Variants in HHAT observed in about 807,000 individuals in gnomAD.
HHAT encodes hedgehog acyltransferase.
HHAT carries 47 observed loss-of-function variants against 70.8 expected under a neutral mutation model. The ratio of observed to expected loss-of-function variants is 0.66; its 90% CI spans 0.53 to 0.85. HHAT has a LOEUF of 0.85. Among genes scored for constraint, HHAT ranks in the 40% least tolerant of loss-of-function variants. HHAT has a pLI of 0.00. For missense variants in HHAT, 609 were observed against 604.8 expected, an observed-to-expected ratio of 1.01 and a Z score of -0.07; for synonymous variants, 228 against 247.6, an observed-to-expected ratio of 0.92 and a Z score of 0.74.
intron 8 of HHAT, among the ~76,000 whole-genome samples, chr1:210,498,112 G>A (rs867571197): frequency 3.9e-5 from 6 of 152,064 alleles, no homozygotes; most frequent in Middle Eastern, 6.8e-3. Context: ...TGTGGTCAGG[G>A]ACTGTCCATC....
intron 1 of HHAT, 175 bp downstream of exon 1, chr1:210,329,279 A>C: frequency 4.5e-4 from 531 of 1,173,440 alleles, no homozygotes; most frequent in East Asian, 1.8e-3. Flanking sequence ...AGAAGACAAA[A>C]GCGGCGGGGG....
chr1:210,606,901 G>C (rs1665563471), intron 10 of HHAT, among the ~76,000 whole-genome samples: 2 of 152,234 alleles, frequency 1.3e-5, no homozygotes, highest in Admixed American at 1.3e-4. Flanking sequence ...ATTATTGTAT[G>C]CATTCTGTTT....
intron 1 of HHAT, among the ~76,000 whole-genome samples, chr1:210,341,666 G>A (rs1199229012): frequency 6.6e-6 from 1 of 152,208 alleles, no homozygotes; most frequent in Non-Finnish European, 1.5e-5. Flanking sequence ...AAAGCAGGTG[G>A]AGTGTTAAAT....
intron 9 of HHAT, among the ~76,000 whole-genome samples, chr1:210,538,723 C>T (rs957156080): frequency 1.3e-5 from 2 of 152,086 alleles, no homozygotes; most frequent in Non-Finnish European, 2.9e-5. Flanking sequence ...ATTAAAAAGG[C>T]CAACATAAAG....
At chr1:210,376,198 A>G (rs563336265) in intron 3 of HHAT, among the ~76,000 whole-genome samples, 2 of 152,140 alleles carry the variant, frequency 1.3e-5, no homozygotes, top group African/African-American at 2.4e-5. Context: ...TACTTTTGCT[A>G]TTAAGCCCAT....
At chr1:210,494,873 G>A (rs1447818922) in intron 8 of HHAT, among the ~76,000 whole-genome samples, 1 of 152,004 alleles carries the variant, frequency 6.6e-6, no homozygotes, top group Admixed American at 6.6e-5. Flanking sequence ...TTTGACATCC[G>A]AGTAGAGTTA....
chr1:210,515,221 G>T (rs1285740405), intron 9 of HHAT, among the ~76,000 whole-genome samples: 1 of 152,230 alleles, frequency 6.6e-6, no homozygotes, highest in Non-Finnish European at 1.5e-5. Flanking sequence ...TGAGAAGTCA[G>T]TTTTGCAGGC....
At chr1:210,491,686 G>C (rs1247973864) in intron 8 of HHAT, among the ~76,000 whole-genome samples, 1 of 152,128 alleles carries the variant, frequency 6.6e-6, no homozygotes, top group Non-Finnish European at 1.5e-5. Flanking sequence ...CTATTCTTCA[G>C]TCACACCCAG....
chr1:210,621,058 G>A (rs758249540), intron 10 of HHAT, among the ~76,000 whole-genome samples: 21 of 151,994 alleles, frequency 1.4e-4, no homozygotes, highest in Non-Finnish European at 3.1e-4. Context: ...ACCTCCCTTG[G>A]CCCTCAGCTC....
intron 11 of HHAT, among the ~76,000 whole-genome samples, chr1:210,662,906 A>G (rs1678066302): frequency 6.6e-6 from 1 of 152,090 alleles, no homozygotes; most frequent in African/African-American, 2.4e-5. Flanking sequence ...ATTAAAGACA[A>G]CTGTTTGTGC....
At chr1:210,470,693 T>C (rs181339950) in intron 8 of HHAT, among the ~76,000 whole-genome samples, 79 of 152,296 alleles carry the variant, frequency 5.2e-4, no homozygotes, top group African/African-American at 1.8e-3. Flanking sequence ...GGATGAGTTT[T>C]AGAGTAAGAA....
chr1:210,327,537 G>A (rs890193643), upstream of HHAT, among the ~76,000 whole-genome samples: 4 of 152,078 alleles, frequency 2.6e-5, no homozygotes, highest in African/African-American at 9.7e-5. Flanking sequence ...ACAGAGTCCG[G>A]CTCAGTCACC....
intron 9 of HHAT, among the ~76,000 whole-genome samples, chr1:210,577,979 C>G (rs970763419): frequency 6.6e-6 from 1 of 151,970 alleles, no homozygotes; most frequent in African/African-American, 2.4e-5. Context: ...CTTTGTCTGG[C>G]TTTGGTATAG....
chr1:210,620,048 A>G lies in HHAT; in HGVS notation c.1246-3478A>G, dbSNP rs572867943. Among the ~76,000 whole-genome samples, 6 of 149,112 alleles carry G rather than the reference A, an allele frequency of 4.0e-5. No homozygotes were observed. In the South Asian group the frequency reaches 1.3e-3, roughly 32 times the overall value. On this transcript the variant is annotated intron_variant, in intron 10 of 11. Coordinates refer to ENST00000261458, the MANE Select transcript of HHAT (RefSeq NM_018194.6). ...AGCCATGAGGATGGTGACTTAACAC[A>G]TGAGGCATGCCTCCCACTCGTGAGG...
chr1:210,354,452 G>C (rs2087398107), intron 2 of HHAT, among the ~76,000 whole-genome samples: 1 of 151,980 alleles, frequency 6.6e-6, no homozygotes, highest in Non-Finnish European at 1.5e-5. Context: ...AAAGTGCCGG[G>C]ATTACTGGTG....
At chr1:210,438,230 G>T (rs963371864) in intron 7 of HHAT, among the ~76,000 whole-genome samples, 5 of 151,740 alleles carry the variant, frequency 3.3e-5, no homozygotes, top group African/African-American at 1.2e-4. Context: ...ATAATGGAAT[G>T]CTTCCTGATA....
In HHAT at chr1:210,584,218, A is replaced by G. The variant is rs79672702; in HGVS notation, c.1044-3680A>G. On this transcript the variant is annotated intron_variant, in intron 9 of 11. Transcript: ENST00000261458. ...CGGCTTCCCAAAGTGCTGGGATTACAGGCGTGAGCCACTGTCCCCAGCTGC... is the reference window on the plus strand; with the variant it reads ...CGGCTTCCCAAAGTGCTGGGATTACGGGCGTGAGCCACTGTCCCCAGCTGC... 0.019 allele frequency among the ~76,000 whole-genome samples: 2,877 copies of G among 152,006 alleles called. 292 individuals carry two copies. In the East Asian group the frequency reaches 0.33, roughly 17 times the overall value.
intron 10 of HHAT, among the ~76,000 whole-genome samples, chr1:210,621,657 CAG>C (rs1372487315): frequency 6.6e-6 from 1 of 152,190 alleles, no homozygotes; most frequent in Non-Finnish European, 1.5e-5. Context: ...CTCTCATTAA[CAG>C]TTTTCACACC....
intron 1 of HHAT, among the ~76,000 whole-genome samples, chr1:210,336,974 G>A (rs1050621132): frequency 2.0e-5 from 3 of 152,166 alleles, no homozygotes; most frequent in Non-Finnish European, 4.4e-5. Context: ...GAATTTTCAG[G>A]GGAAAGAATG....
Sources: gnomAD v4.1 joint callset for allele counts (sites outside exome capture counted in the v4.1 genomes callset) on GRCh38, gnomAD v4.1.1 for gene constraint, MANE v1.5 for transcripts, NCBI Gene and HGNC (gene_info 2026-07-23, HGNC 2026-07-21) for gene names.